Variants in EDEM3 observed in about 807,000 individuals in gnomAD.
EDEM3 encodes the protein ER degradation-enhancing alpha-mannosidase-like protein 3.
A neutral mutation model predicts 110.2 loss-of-function variants in EDEM3; 60 were observed. That is an observed-to-expected ratio of 0.54 (90% CI 0.44 to 0.67). The LOEUF is 0.67. Among genes scored for constraint, EDEM3 ranks in the 30% least tolerant of loss-of-function variants. EDEM3 has a pLI of 0.00. For synonymous variants in EDEM3, 352 were observed against 382.9 expected (o/e 0.92, Z 0.94); for missense variants, 996 against 1,121.0 (o/e 0.89, Z 1.59).
chr1:184,733,148 G>A (rs908888933), intron 5 of EDEM3, among the ~76,000 whole-genome samples, 158 bp from the exon 6 acceptor site: 3 of 152,222 alleles, frequency 2.0e-5, no homozygotes, highest in Non-Finnish European at 4.4e-5. Context: ...TTTATGGTAA[G>A]CCATTACAAT....
At position 184,706,839 on chromosome 1, in the gene EDEM3, T is replaced by G. The variant is rs202079364; in HGVS notation, c.2038-31A>C. 199 of 1,604,140 alleles carry G rather than the reference T, an allele frequency of 1.2e-4. 1 individual carries two copies. The highest frequency in any genetic ancestry group is 6.6e-4 in the Admixed American group (39 of 59,012). On this transcript the variant is annotated intron_variant, in intron 17 of 19. Coordinates refer to ENST00000318130, the MANE Select transcript of EDEM3 (RefSeq NM_025191.4). Reference sequence around the variant, plus strand: ...AGAAATAAAAGCAACTTAAATACTTTAATCTTCTCAAATGGCAATCAAGTC... The same window carrying G: ...AGAAATAAAAGCAACTTAAATACTTGAATCTTCTCAAATGGCAATCAAGTC...
At chr1:184,724,040 A>C (rs1651057032) in intron 7 of EDEM3, among the ~76,000 whole-genome samples, 184 bp from the exon 8 acceptor site, 1 of 152,004 alleles carries the variant, frequency 6.6e-6, no homozygotes, top group Non-Finnish European at 1.5e-5. Context: ...GCTCTTTTTC[A>C]ACCAATCAGT....
chr1:184,709,885 A>C (rs4469687), intron 16 of EDEM3, among the ~76,000 whole-genome samples: 2 of 151,900 alleles, frequency 1.3e-5, no homozygotes, highest in African/African-American at 4.8e-5. Flanking sequence ...ATAATTTAAA[A>C]ACTTTGTGTT....
chr1:184,715,134 G>A (rs148002337), intron 13 of EDEM3, among the ~76,000 whole-genome samples: 347 of 152,160 alleles, frequency 2.3e-3, no homozygotes, highest in Non-Finnish European at 2.6e-3. Context: ...GACAGTTATG[G>A]TGCTGTGTGC....
Position 184,737,636 on chromosome 1 carries a change from C to T in EDEM3, c.280G>A (p.Gly94Ser), listed in dbSNP as rs146347520. 16 of 1,613,820 alleles carry T rather than the reference C, an allele frequency of 9.9e-6. No homozygotes were observed. The highest frequency in any genetic ancestry group is 1.7e-5 in the Admixed American group (1 of 59,982). ...TTTCCCAAGGCATCATCAACGTCACCGCGACTTGGCTCTTGGCCTCTAACT... is the reference window on the plus strand; with the variant it reads ...TTTCCCAAGGCATCATCAACGTCACTGCGACTTGGCTCTTGGCCTCTAACT... ...GRVRGQEPSR[G>S]DVDDALGKFS... The change falls in exon 3 of 20, where the codon GGT becomes AGT. Residue 94 changes from glycine to serine, a missense_variant. Coordinates refer to ENST00000318130, the MANE Select transcript of EDEM3 (RefSeq NM_025191.4).
intron 1 of EDEM3, 102 bp from the exon 2 acceptor site, chr1:184,749,694 C>T: frequency 1.0e-6 from 1 of 968,058 alleles, no homozygotes; most frequent in Non-Finnish European, 1.5e-6. Context: ...AAAAATATAC[C>T]AATAAAAACA....
Position 184,733,020 on chromosome 1 carries a change from T to C in EDEM3, c.459-30A>G, listed in dbSNP as rs41264584. ...GATCACAGAGATGAAACATTATCCA[T>C]ATCTTATAGACAATTAAAAGTTACC... On this transcript the variant is annotated intron_variant, in intron 5 of 19. Transcript: ENST00000318130. The C allele has an allele frequency of 5.1e-3, 8,276 of 1,608,186 alleles. 23 individuals carry two copies. Among genetic ancestry groups the C allele is most frequent in the Non-Finnish European group, 6.7e-3 (7,851 of 1,176,872 alleles).
intron 2 of EDEM3, 97 bp from the exon 3 acceptor site, chr1:184,737,808 A>G: frequency 9.6e-7 from 1 of 1,040,740 alleles, no homozygotes; most frequent in Non-Finnish European, 1.4e-6. Context: ...ATAAAATAAT[A>G]GTCAAAAGTT....
intron 2 of EDEM3, among the ~76,000 whole-genome samples, chr1:184,744,947 T>C (rs1652347504): frequency 6.6e-6 from 1 of 151,988 alleles, no homozygotes; most frequent in Non-Finnish European, 1.5e-5. Context: ...AAAACACAAA[T>C]CAAGGTTGCT....
intron 16 of EDEM3, 148 bp from the exon 17 acceptor site, chr1:184,708,492 T>A: frequency 1.4e-6 from 1 of 699,532 alleles, no homozygotes; most frequent in East Asian, 3.2e-5. Flanking sequence ...ACCTTATTTG[T>A]ACTCAAAAAT....
At chr1:184,728,954 C>G (rs1407247050) in intron 6 of EDEM3, among the ~76,000 whole-genome samples, 2 of 152,072 alleles carry the variant, frequency 1.3e-5, no homozygotes, top group Non-Finnish European at 2.9e-5. Flanking sequence ...ATTTCAGCAT[C>G]CAAGAGGCAC....
intron 14 of EDEM3, 34 bp from the exon 15 acceptor site, chr1:184,711,911 T>C: frequency 6.5e-7 from 1 of 1,534,434 alleles, no homozygotes; most frequent in South Asian, 1.3e-5. Context: ...TAAACAGAAA[T>C]AATTATTTTA....
At chr1:184,753,352 GAAC>G (rs1038311388) in intron 1 of EDEM3, among the ~76,000 whole-genome samples, 2 of 150,800 alleles carry the variant, frequency 1.3e-5, no homozygotes, top group Non-Finnish European at 2.9e-5. Flanking sequence ...TCCATAATAT[GAAC>G]GTACCCTATT....
chr1:184,695,198 C>T (rs1311668230), intron 19 of EDEM3, among the ~76,000 whole-genome samples: 4 of 151,970 alleles, frequency 2.6e-5, no homozygotes, highest in Non-Finnish European at 5.9e-5. Context: ...TAAATAGCAT[C>T]GACGCCTACA....
At chr1:184,736,996 A>C (rs762294287) in intron 4 of EDEM3, 29 bp downstream of exon 4, 11 of 1,582,624 alleles carry the variant, frequency 7.0e-6, no homozygotes, top group Middle Eastern at 3.3e-4. Context: ...TATCATGAAT[A>C]AAATAAATCC....
At chr1:184,739,305 T>G (rs959530347) in intron 2 of EDEM3, among the ~76,000 whole-genome samples, 3 of 148,226 alleles carry the variant, frequency 2.0e-5, no homozygotes, top group Admixed American at 2.0e-4. Flanking sequence ...TTAAAATAAC[T>G]ATTTTATCAT....
intron 16 of EDEM3, among the ~76,000 whole-genome samples, chr1:184,708,612 A>G (rs1650063284): frequency 1.3e-5 from 2 of 152,242 alleles, no homozygotes; most frequent in Admixed American, 1.3e-4. Flanking sequence ...CTGGACTTCT[A>G]GCGAATGCTC....
At chr1:184,707,241 GAA>G (rs1649979510) in intron 17 of EDEM3, among the ~76,000 whole-genome samples, 1 of 152,124 alleles carries the variant, frequency 6.6e-6, no homozygotes, top group Admixed American at 6.6e-5. Context: ...TTGGTAACAA[GAA>G]AAGTTTTTGA....
chr1:184,723,791 G>A lies in EDEM3; in HGVS notation c.813C>T (p.Gly271=), dbSNP rs766076122. The part of the protein sequence containing the change: ...EKRQRSSNLV[G]VTINIHTGDW... ...CTCCAGTATGAATATTTATAGTCAC[G>A]CCCACTAAATTACTACTTCGCTGTC... The change falls in exon 8 of 20, where the codon GGC becomes GGT. Residue 271 remains glycine (G), a synonymous_variant. Transcript: ENST00000318130. 19 of 1,591,424 alleles carry A rather than the reference G, an allele frequency of 1.2e-5. No homozygotes were observed. The highest frequency in any genetic ancestry group is 8.0e-5 in the South Asian group (7 of 87,378).
Sources: allele counts gnomAD v4.1 joint callset (sites outside exome capture counted in the v4.1 genomes callset), GRCh38; gene constraint gnomAD v4.1.1; transcripts MANE v1.5; gene names NCBI Gene and HGNC (gene_info 2026-07-23, HGNC 2026-07-21).